The following PSTPIP2 variants were observed in gnomAD, a reference collection of about 807,000 sequenced individuals.
The protein encoded by PSTPIP2 is proline-serine-threonine phosphatase-interacting protein 2.
A neutral mutation model predicts 63.3 loss-of-function variants in PSTPIP2; 33 were observed. The observed-to-expected ratio is 0.52, with a 90% CI of 0.40 to 0.70. The LOEUF (loss-of-function observed/expected upper bound fraction) is 0.70, where lower values mean the gene tolerates loss of function less well. PSTPIP2 is among the 30% of genes least tolerant of loss of function. The probability of loss-of-function intolerance (pLI) is 0.00; values close to 1 mark genes in which losing one functional copy is unlikely to be tolerated. For missense variants in PSTPIP2, 312 were observed against 400.7 expected (o/e 0.78, Z 1.89); for synonymous variants, 125 against 132.7 (o/e 0.94, Z 0.40).
rs73438266 is a variant in PSTPIP2 at position 46,022,082 on chromosome 18, G to C, written c.212+2527C>G. 2.8e-3 allele frequency among the ~76,000 whole-genome samples: 423 copies of C among 151,958 alleles called. 4 individuals are homozygous for C. The highest frequency in any genetic ancestry group is 1.0e-2 in the African/African-American group (413 of 41,426). ...TATGTTCGTTTTTTTACTTTTCTGT[G>C]ATTTTTAAATTTTCATTTAAAACAT... is the stretch of plus-strand genomic sequence containing the variant. On this transcript the variant is annotated intron_variant, in intron 3 of 14. Transcript: ENST00000409746.
chr18:46,028,331 G>A, intron 2 of PSTPIP2: 1 of 473,870 alleles, frequency 2.1e-6, no homozygotes, highest in South Asian at 1.7e-5. Flanking sequence ...GCCGGAGCGG[G>A]GCCGAGCGAG....
rs750027515 is a variant in PSTPIP2 at position 45,990,710 on chromosome 18, T to A, written c.955+12A>T. ...ATATAAGAATTTCAAAAGACCTTTT[T>A]TAGTGGCATACCTGGTGAGCTTTTA... On this transcript the variant is annotated intron_variant, in intron 13 of 14. Coordinates refer to ENST00000409746, the MANE Select transcript of PSTPIP2 (RefSeq NM_024430.4). 3.1e-6 allele frequency: 5 copies of A among 1,601,352 alleles called. No individual in the cohort carries two copies. The East Asian group carries it at 1.1e-4, about 36-fold the overall frequency.
At chr18:46,046,923 G>A (rs146191387) in intron 1 of PSTPIP2, among the ~76,000 whole-genome samples, 156 of 152,362 alleles carry the variant, frequency 1.0e-3, no homozygotes, top group African/African-American at 3.3e-3. Context: ...GCATAAGTGC[G>A]CTGCACTTTG....
chr18:46,013,741 C>T (rs552651789), intron 4 of PSTPIP2, among the ~76,000 whole-genome samples: 88 of 152,150 alleles, frequency 5.8e-4, no homozygotes, highest in Non-Finnish European at 1.1e-3. Context: ...AATAATTTCT[C>T]ATACCAAGAA....
chr18:46,002,950 T>G (rs76910033), intron 6 of PSTPIP2, among the ~76,000 whole-genome samples: 1 of 152,242 alleles, frequency 6.6e-6, no homozygotes. Flanking sequence ...TGAAGAGTGA[T>G]ATTTGATTGA....
rs774572924 is a variant in PSTPIP2, at chr18:45,991,974, A to G, written c.848T>C (p.Met283Thr). 4 of 1,613,058 alleles carry G rather than the reference A, an allele frequency of 2.5e-6. No individual in the cohort carries two copies. Among genetic ancestry groups the G allele is most frequent in the South Asian group, 1.1e-5 (1 of 91,056 alleles). Residue 283 changes from methionine (M) to threonine (T), a missense_variant, in exon 12 of 15, where the codon ATG (methionine) becomes ACG (threonine). Transcript: ENST00000409746. ...KTGQIPPAPI[M>T]YENFYSSQKN... The stretch of plus-strand genomic sequence containing the variant: ...CTGGGAGGAGTAGAAATTCTCATAC[A>G]TGATGGGTGCTAGGAGAGTCACCAA...
intron 2 of PSTPIP2, among the ~76,000 whole-genome samples, chr18:46,036,043 T>C (rs1422138895): frequency 2.0e-5 from 3 of 151,558 alleles, no homozygotes; most frequent in Admixed American, 6.6e-5. Flanking sequence ...ACTGATGGAG[T>C]GTTTGTTACT....
chr18:46,012,771 CA>C, intron 4 of PSTPIP2, among the ~76,000 whole-genome samples: 1 of 151,624 alleles, frequency 6.6e-6, no homozygotes, highest in South Asian at 2.1e-4. Flanking sequence ...GACTCCATCT[CA>C]AAAAAAGAGA....
In PSTPIP2 at chr18:46,040,163, G is replaced by C. The variant is rs562385209; in HGVS notation, c.34-116C>G. On this transcript the variant is annotated intron_variant, in intron 1 of 14. Coordinates refer to ENST00000409746, the MANE Select transcript of PSTPIP2 (RefSeq NM_024430.4). ...CCACGGAACGTTGCTGACTCACTTTGAGATGGCGCAGGGACCCACTTAGGA... is the reference window on the plus strand; with the variant it reads ...CCACGGAACGTTGCTGACTCACTTTCAGATGGCGCAGGGACCCACTTAGGA... 5.2e-5 allele frequency: 41 copies of C among 787,350 alleles called. No homozygotes were observed. In the African/African-American group the frequency reaches 6.9e-4, roughly 13 times the overall value. 48.8% of individuals were successfully genotyped at this position (787,350 alleles called of 1,614,324 possible). A position where few individuals can be genotyped will look rare whatever the true frequency, so the allele number is the denominator to read the frequency against.
At chr18:46,034,112 T>C (rs1208943124) in intron 2 of PSTPIP2, among the ~76,000 whole-genome samples, 1 of 151,836 alleles carries the variant, frequency 6.6e-6, no homozygotes, top group African/African-American at 2.4e-5. Context: ...ACAGTGAGGG[T>C]CCCGGAAACA....
intron 1 of PSTPIP2, among the ~76,000 whole-genome samples, chr18:46,047,289 C>G (rs976031321): frequency 6.6e-6 from 1 of 152,018 alleles, no homozygotes; most frequent in African/African-American, 2.4e-5. Context: ...ATAATTATGT[C>G]CAGGGTTAGG....
intron 1 of PSTPIP2, chr18:46,040,368 C>T (rs1272165887): frequency 1.8e-5 from 4 of 225,034 alleles, no homozygotes; most frequent in Non-Finnish European, 3.5e-5. Context: ...CCTATAGAAA[C>T]AAAGATAACA....
chr18:46,040,269 C>G, intron 1 of PSTPIP2: 1 of 413,656 alleles, frequency 2.4e-6, no homozygotes, highest in Admixed American at 4.1e-5. Flanking sequence ...AGGTATCTAG[C>G]TAGCCCTGCA....
chr18:45,991,253 A>T (rs533971471), intron 12 of PSTPIP2, among the ~76,000 whole-genome samples: 1 of 152,352 alleles, frequency 6.6e-6, no homozygotes, highest in East Asian at 1.9e-4. Context: ...TTAGACTGCA[A>T]GCTGACTATG....
intron 1 of PSTPIP2, among the ~76,000 whole-genome samples, chr18:46,069,825 C>G (rs1909327305): frequency 2.0e-5 from 3 of 152,156 alleles, no homozygotes; most frequent in African/African-American, 7.2e-5. Context: ...TCTCTGTCCC[C>G]TTTCTCCTCC....
chr18:46,028,291 C>T (rs765373241), intron 2 of PSTPIP2: 114 of 454,266 alleles, frequency 2.5e-4, no homozygotes, highest in Non-Finnish European at 4.3e-4. Context: ...GAAGCCGAAG[C>T]GTTAGCCCGG....
intron 1 of PSTPIP2, among the ~76,000 whole-genome samples, chr18:46,059,605 G>A (rs576017404): frequency 3.8e-3 from 575 of 151,990 alleles, no homozygotes; most frequent in Middle Eastern, 0.027. Context: ...TTTAAGTATA[G>A]ATTAAAAAAA....
In PSTPIP2 at chr18:46,024,693, G is replaced by T. The variant is rs953612334; in HGVS notation, c.135-7C>A. On this transcript the variant is annotated splice_polypyrimidine_tract_variant and splice_region_variant and intron_variant, in intron 2 of 14. Coordinates refer to ENST00000409746, the MANE Select transcript of PSTPIP2 (RefSeq NM_024430.4). ...CCTCTCTTCAATTGCTGCCCTAGGGGAACAGAAGAGAGGGTTATGGGTCCT... is the reference window on the plus strand; with the variant it reads ...CCTCTCTTCAATTGCTGCCCTAGGGTAACAGAAGAGAGGGTTATGGGTCCT... The T allele has an allele frequency of 3.1e-6, 5 of 1,609,872 alleles. No individual in the cohort carries two copies. Among genetic ancestry groups the T allele is most frequent in the Non-Finnish European group, 4.3e-6 (5 of 1,176,236 alleles).
intron 5 of PSTPIP2, among the ~76,000 whole-genome samples, chr18:46,006,360 C>CT (rs756384731): frequency 0.2 from 22,938 of 115,038 alleles, 6,206 homozygotes; most frequent in Admixed American, 0.23. Flanking sequence ...AGCCCTGGTA[C>CT]TTTTTTTTTT....
Sources: gnomAD v4.1 joint callset for allele counts (sites outside exome capture counted in the v4.1 genomes callset) on GRCh38, gnomAD v4.1.1 for gene constraint, MANE v1.5 for transcripts, NCBI Gene and HGNC (gene_info 2026-07-23, HGNC 2026-07-21) for gene names.